Variants in UNC13C observed in about 807,000 individuals in gnomAD.
The protein encoded by UNC13C is protein unc-13 homolog C.
Under a neutral mutation model 245.4 loss-of-function variants are expected in UNC13C, and 174 were observed. The observed-to-expected ratio is 0.71, with a 90% CI of 0.63 to 0.80. The LOEUF is 0.80. Among genes scored for constraint, UNC13C ranks in the 30% least tolerant of loss-of-function variants. The probability of loss-of-function intolerance (pLI) is 0.00; values close to 1 mark genes in which losing one functional copy is unlikely to be tolerated. For missense variants in UNC13C, 2,829 were observed against 2,602.9 expected, an observed-to-expected ratio of 1.09 and a Z score of -1.89; for synonymous variants, 992 against 895.1, an observed-to-expected ratio of 1.11 and a Z score of -1.93.
chr15:54,482,283 T>C (rs1893162574), intron 19 of UNC13C, among the ~76,000 whole-genome samples: 1 of 151,974 alleles, frequency 6.6e-6, no homozygotes, highest in Admixed American at 6.6e-5. Flanking sequence ...GATAGTCCAG[T>C]GAGGCCTGGG....
At position 54,546,765 on chromosome 15, in the gene UNC13C, C is replaced by A; in HGVS notation, c.5740C>A (p.Arg1914=). 2 of 1,548,780 alleles carry A rather than the reference C, an allele frequency of 1.3e-6. No homozygotes were observed. Among genetic ancestry groups the A allele is most frequent in the Non-Finnish European group, 1.7e-6 (2 of 1,145,146 alleles). The change falls in exon 27 of 33, where the codon CGA becomes AGA. Residue 1914 remains arginine (R), a synonymous_variant. Transcript: ENST00000260323. ...AATCTGTGAGAAAACAGTCCTAAAG[C>A]GAGTTTTAAAAGAGTTATGGAAGCT... ...AKICEKTVLK[R]VLKELWKLVL...
At chr15:54,057,924 A>G (rs1013873989) in intron 2 of UNC13C, among the ~76,000 whole-genome samples, 1 of 152,180 alleles carries the variant, frequency 6.6e-6, no homozygotes, top group Admixed American at 6.5e-5. Flanking sequence ...AAGAACAAAG[A>G]CACAACATAC....
Position 53,992,887 on chromosome 15 carries a change from C to T in UNC13C, c.-257+13960C>T, listed in dbSNP as rs117501424. ...TTACTGTATTCCAGAGTATGAATCA[C>T]TTCTTCCCCTGAACCTCTCAAATAC... On this transcript the variant is annotated intron_variant, in intron 1 of 32. Coordinates refer to ENST00000260323, the MANE Select transcript of UNC13C (RefSeq NM_001080534.3). Among the ~76,000 whole-genome samples, 659 of 152,164 alleles carry T rather than the reference C, an allele frequency of 4.3e-3. 2 individuals are homozygous for T. The highest frequency in any genetic ancestry group is 7.1e-3 in the Non-Finnish European group (485 of 67,972).
Position 54,245,072 on chromosome 15 carries a change from A to T in UNC13C, c.3229-5153A>T, listed in dbSNP as rs78924751. Among the ~76,000 whole-genome samples the T allele has an allele frequency of 2.3e-3, 351 of 152,210 alleles. 2 individuals are homozygous for T. Among genetic ancestry groups the T allele is most frequent in the African/African-American group, 8.2e-3 (339 of 41,558 alleles). On this transcript the variant is annotated intron_variant, in intron 7 of 32. Coordinates refer to ENST00000260323, the MANE Select transcript of UNC13C (RefSeq NM_001080534.3). ...TTAGACTCATAAGAATGCAGTCTCCACCCCAAGCAGTAAATCTTAGACTTT... is the reference window on the plus strand; with the variant it reads ...TTAGACTCATAAGAATGCAGTCTCCTCCCCAAGCAGTAAATCTTAGACTTT...
chr15:54,577,154 T>C (rs913854685), intron 30 of UNC13C, among the ~76,000 whole-genome samples: 3 of 152,060 alleles, frequency 2.0e-5, no homozygotes, highest in Admixed American at 2.0e-4. Flanking sequence ...GTAAGTGCCA[T>C]TGGAGAAATA....
intron 2 of UNC13C, among the ~76,000 whole-genome samples, chr15:54,118,569 T>C (rs2030439166): frequency 6.6e-6 from 1 of 152,178 alleles, no homozygotes; most frequent in African/African-American, 2.4e-5. Context: ...GTTTTTCTAA[T>C]ATAATATCAT....
intron 2 of UNC13C, chr15:54,050,892 C>G: frequency 1.8e-6 from 1 of 553,500 alleles, no homozygotes; most frequent in Non-Finnish European, 3.7e-6. Flanking sequence ...CCACTTCCAG[C>G]AAAAATTTAA....
intron 2 of UNC13C, among the ~76,000 whole-genome samples, chr15:54,096,017 A>G (rs1249690283): frequency 2.0e-5 from 3 of 152,170 alleles, no homozygotes; most frequent in Admixed American, 2.0e-4. Flanking sequence ...GACCTTAGCT[A>G]TATTTGACTA....
At chr15:54,277,489 G>C (rs989779057) in intron 10 of UNC13C, among the ~76,000 whole-genome samples, 2 of 152,156 alleles carry the variant, frequency 1.3e-5, no homozygotes, top group African/African-American at 4.8e-5. Context: ...GGGAACATTT[G>C]GCATGACTTT....
chr15:54,274,732 C>T (rs1180557349), intron 10 of UNC13C, among the ~76,000 whole-genome samples: 2 of 126,988 alleles, frequency 1.6e-5, no homozygotes, highest in South Asian at 2.5e-4. Context: ...GGTGCAGTGG[C>T]GCGATCTCGG....
intron 4 of UNC13C, among the ~76,000 whole-genome samples, chr15:54,234,396 G>T (rs1202867244): frequency 2.6e-5 from 4 of 151,962 alleles, no homozygotes; most frequent in African/African-American, 9.7e-5. Flanking sequence ...TAATCAATAT[G>T]CTATTGATGA....
chr15:54,206,526 T>C (rs1422797422), intron 4 of UNC13C, among the ~76,000 whole-genome samples: 1 of 152,122 alleles, frequency 6.6e-6, no homozygotes, highest in Non-Finnish European at 1.5e-5. Context: ...GAATGAACCA[T>C]TAATCAATGC....
chr15:54,099,149 A>T (rs1383218023), intron 2 of UNC13C, among the ~76,000 whole-genome samples: 37 of 152,230 alleles, frequency 2.4e-4, no homozygotes, highest in Admixed American at 2.4e-3. Context: ...CAGTTTTGTC[A>T]AGAGTAGAAC....
chr15:54,342,955 G>A (rs902222364), intron 17 of UNC13C, among the ~76,000 whole-genome samples: 1 of 152,060 alleles, frequency 6.6e-6, no homozygotes, highest in Non-Finnish European at 1.5e-5. Flanking sequence ...AGCTAAATTG[G>A]TGCTCACTTG....
chr15:53,881,527 C>T, the UNC13C span, among the ~76,000 whole-genome samples: 63 of 152,300 alleles, frequency 4.1e-4, no homozygotes, highest in African/African-American at 1.4e-3. Context: ...ATGCAAAGAA[C>T]AATCTTCAGA....
At chr15:54,296,943 A>C (rs764858333) in intron 11 of UNC13C, among the ~76,000 whole-genome samples, 5 of 152,190 alleles carry the variant, frequency 3.3e-5, no homozygotes, top group Non-Finnish European at 5.9e-5. Context: ...CGCACATTTT[A>C]TGGCTAAATT....
chr15:54,244,618 T>G (rs75694202), intron 7 of UNC13C, among the ~76,000 whole-genome samples: 2 of 152,132 alleles, frequency 1.3e-5, no homozygotes, highest in Admixed American at 1.3e-4. Flanking sequence ...GAATGTTTTT[T>G]GATTTGTTTG....
At chr15:54,401,801 G>A (rs1396988500) in intron 18 of UNC13C, among the ~76,000 whole-genome samples, 1 of 151,978 alleles carries the variant, frequency 6.6e-6, no homozygotes, top group South Asian at 2.1e-4. Context: ...CTTGTCTGAG[G>A]GTCCCTGAAG....
intron 2 of UNC13C, among the ~76,000 whole-genome samples, chr15:54,029,838 T>A (rs1010374240): frequency 6.6e-6 from 1 of 152,172 alleles, no homozygotes; most frequent in Non-Finnish European, 1.5e-5. Context: ...GACCAGAGCA[T>A]ATGGTCATGC....
Sources: allele counts gnomAD v4.1 joint callset (sites outside exome capture counted in the v4.1 genomes callset), GRCh38; gene constraint gnomAD v4.1.1; transcripts MANE v1.5; gene names NCBI Gene and HGNC (gene_info 2026-07-23, HGNC 2026-07-21).